Variants in TMEM232 observed in about 807,000 individuals in gnomAD.
TMEM232 encodes transmembrane protein 232.
A neutral mutation model predicts 78.8 loss-of-function variants in TMEM232; 80 were observed. The ratio of observed to expected loss-of-function variants is 1.01; its 90% CI spans 0.85 to 1.22. The LOEUF is 1.22. TMEM232 is among the 50% of genes most tolerant of loss of function. TMEM232 has a pLI of 0.00. For synonymous variants in TMEM232, 297 were observed against 254.3 expected (o/e 1.17, Z -1.60); for missense variants, 881 against 742.2 (o/e 1.19, Z -2.17).
chr5:110,430,721 T>A (rs1440562180), intron 12 of TMEM232, among the ~76,000 whole-genome samples: 1 of 151,732 alleles, frequency 6.6e-6, no homozygotes, highest in East Asian at 1.9e-4. Context: ...ATAAATACAA[T>A]CTCAGTATTA....
At chr5:110,711,846 C>T (rs1177327547) in intron 1 of TMEM232, among the ~76,000 whole-genome samples, 1 of 152,050 alleles carries the variant, frequency 6.6e-6, no homozygotes, top group African/African-American at 2.4e-5. Flanking sequence ...GTGGCTCACG[C>T]CTGTAATCCC....
chr5:110,551,306 C>A (rs1774426242), intron 11 of TMEM232, among the ~76,000 whole-genome samples: 1 of 152,150 alleles, frequency 6.6e-6, no homozygotes, highest in Admixed American at 6.6e-5. Context: ...TCACTGCAAC[C>A]TCTGCCCTCC....
At chr5:110,656,622 G>A (rs780914394) in intron 2 of TMEM232, among the ~76,000 whole-genome samples, 3 of 152,054 alleles carry the variant, frequency 2.0e-5, no homozygotes, top group East Asian at 3.9e-4. Flanking sequence ...GGAGGATCAC[G>A]AGGTCAGGAG....
At chr5:110,448,663 G>T (rs1417677405) in intron 12 of TMEM232, among the ~76,000 whole-genome samples, 2 of 151,916 alleles carry the variant, frequency 1.3e-5, no homozygotes, top group East Asian at 3.8e-4. Context: ...AAGTGAAAAA[G>T]AAGTAAAAAT....
At chr5:110,699,003 A>G (rs917477136) in intron 1 of TMEM232, among the ~76,000 whole-genome samples, 1 of 152,046 alleles carries the variant, frequency 6.6e-6, no homozygotes, top group Non-Finnish European at 1.5e-5. Flanking sequence ...TTGGAAGGGG[A>G]TCTCTCCTGA....
intron 12 of TMEM232, among the ~76,000 whole-genome samples, chr5:110,527,831 AT>A (rs565158929): frequency 4.0e-4 from 61 of 152,142 alleles, no homozygotes; most frequent in African/African-American, 1.4e-3. Flanking sequence ...ACTAGAAAAA[AT>A]ATAACAATAT....
intron 12 of TMEM232, among the ~76,000 whole-genome samples, chr5:110,478,897 ATTTTTTTTTT>A (rs746104997): frequency 7.2e-5 from 8 of 111,814 alleles, no homozygotes; most frequent in African/African-American, 6.4e-5. Flanking sequence ...GGAGAAATTG[ATTTTTTTTTT>A]TTTTTTTTTT....
At chr5:110,590,875 T>G (rs144672065) in intron 10 of TMEM232, among the ~76,000 whole-genome samples, 10 of 152,060 alleles carry the variant, frequency 6.6e-5, no homozygotes, top group Non-Finnish European at 1.3e-4. Flanking sequence ...AGAAGAAACT[T>G]CCAAACACAT....
At chr5:110,711,809 T>C (rs1796510020) in intron 1 of TMEM232, among the ~76,000 whole-genome samples, 1 of 152,078 alleles carries the variant, frequency 6.6e-6, no homozygotes, top group African/African-American at 2.4e-5. Context: ...GAGTTACATT[T>C]AAGAATCAAA....
rs148208525 is a variant in TMEM232, at chr5:110,394,712, T to C, written n.390+3061A>G. Among the ~76,000 whole-genome samples, 131 of 152,346 alleles carry C rather than the reference T, an allele frequency of 8.6e-4. No individual in the cohort carries two copies. The East Asian group carries it at 0.022, about 26-fold the overall frequency. On this transcript the variant is annotated intron_variant and non_coding_transcript_variant, in intron 3 of 8. Coordinates refer to the TMEM232 transcript ENST00000507188. ...GACCCACTGGTCATTCAGGAGCATATTGTTTAATTTCCATGTGTTTGTATA... is the reference window on the plus strand; with the variant it reads ...GACCCACTGGTCATTCAGGAGCATACTGTTTAATTTCCATGTGTTTGTATA...
chr5:110,568,609 C>A lies in TMEM232; in HGVS notation c.1293G>T (p.Trp431Cys), dbSNP rs892897487. 6.5e-6 allele frequency: 10 copies of A among 1,539,166 alleles called. No homozygotes were observed. Among genetic ancestry groups the A allele is most frequent in the African/African-American group, 1.4e-5 (1 of 72,144 alleles). ...KMSENCDQVVWTGYYGLVYNL... is the reference protein window; with the variant it reads ...KMSENCDQVVCTGYYGLVYNL... ...TATACACTAAGCCATAGTAACCAGT[C>A]CAGACTACTTGATCACCTGTTTAAA... The change falls in exon 11 of 14, where the codon TGG (tryptophan) becomes TGT (cysteine). Residue 431 changes from tryptophan (W) to cysteine (C), a missense_variant. Physicochemically the swap from Trp to Cys is radical, Grantham distance 215. Transcript: ENST00000455884.
chr5:110,671,039 G>A (rs1791287846), intron 1 of TMEM232, among the ~76,000 whole-genome samples: 1 of 152,072 alleles, frequency 6.6e-6, no homozygotes, highest in Non-Finnish European at 1.5e-5. Context: ...AGAAACTCAT[G>A]AGGCTATAAA....
chr5:110,475,769 A>T (rs114597427), intron 12 of TMEM232, among the ~76,000 whole-genome samples: 2,956 of 151,992 alleles, frequency 0.019, 91 homozygotes, highest in African/African-American at 0.068. Flanking sequence ...AGTACTCATT[A>T]ATTGCAGCAC....
chr5:110,591,244 C>T lies in TMEM232; in HGVS notation c.1276+13865G>A, dbSNP rs188750131. On this transcript the variant is annotated intron_variant, in intron 10 of 13. Transcript: ENST00000455884. Reference sequence around the variant, plus strand: ...AGGCCCAAGTGAGTGGATCACTTACCGCCAGGAGTTTGAGACCAGCCTGGG... The same window carrying T: ...AGGCCCAAGTGAGTGGATCACTTACTGCCAGGAGTTTGAGACCAGCCTGGG... Among the ~76,000 whole-genome samples the T allele has an allele frequency of 1.3e-3, 196 of 152,166 alleles. 1 individual carries two copies. The highest frequency in any genetic ancestry group is 3.9e-3 in the African/African-American group (160 of 41,522).
At chr5:110,433,867 G>A (rs143470308) in intron 12 of TMEM232, among the ~76,000 whole-genome samples, 141 of 151,826 alleles carry the variant, frequency 9.3e-4, no homozygotes, top group African/African-American at 3.2e-3. Context: ...GATGTGCTGC[G>A]GGATTTGGTT....
intron 7 of TMEM232, among the ~76,000 whole-genome samples, chr5:110,621,033 T>G (rs913431529): frequency 6.6e-6 from 1 of 151,576 alleles, no homozygotes; most frequent in Non-Finnish European, 1.5e-5. Context: ...TCGGTAATTT[T>G]TATATTTTTA....
intron 12 of TMEM232, among the ~76,000 whole-genome samples, chr5:110,458,749 A>G (rs919493022): frequency 2.6e-5 from 4 of 152,170 alleles, no homozygotes; most frequent in Admixed American, 2.6e-4. Context: ...CTTAAAAAAT[A>G]TTTTTATATT....
intron 2 of TMEM232, among the ~76,000 whole-genome samples, chr5:110,733,818 T>C (rs1162389575): frequency 6.6e-6 from 1 of 152,218 alleles, no homozygotes; most frequent in Non-Finnish European, 1.5e-5. Context: ...CCTGCACATG[T>C]ACCCTTGAAC....
At chr5:110,631,050 C>T (rs1310716345) in intron 5 of TMEM232, among the ~76,000 whole-genome samples, 1 of 152,098 alleles carries the variant, frequency 6.6e-6, no homozygotes, top group East Asian at 1.9e-4. Flanking sequence ...TGCATCCTCC[C>T]TTTAGAAAGA....
Sources: gnomAD v4.1 joint callset for allele counts (sites outside exome capture counted in the v4.1 genomes callset) on GRCh38, gnomAD v4.1.1 for gene constraint, MANE v1.5 for transcripts, NCBI Gene and HGNC (gene_info 2026-07-23, HGNC 2026-07-21) for gene names.